The following LMBRD1 variants were observed in gnomAD, a reference collection of about 807,000 sequenced individuals.
LMBRD1 encodes lysosomal cobalamin transport escort protein LMBD1.
In LMBRD1, 64 loss-of-function variants were observed where a neutral mutation model predicts 74.8. The observed-to-expected ratio is 0.86, with a 90% confidence interval of 0.70 to 1.05. The LOEUF is 1.05. Ranked by LOEUF, LMBRD1 falls within the 50% of genes least tolerant of loss-of-function variation. The pLI, the probability that LMBRD1 is intolerant of heterozygous loss-of-function variation, is 0.00. For synonymous variants in LMBRD1, 204 were observed against 216.3 expected (o/e 0.94, Z 0.50); for missense variants, 652 against 645.9 (o/e 1.01, Z -0.10).
At chr6:69,760,254 A>G (rs143109603) in intron 3 of LMBRD1, among the ~76,000 whole-genome samples, 16 of 152,358 alleles carry the variant, frequency 1.1e-4, no homozygotes, top group African/African-American at 3.4e-4. Flanking sequence ...GCATAGTCAT[A>G]CACAATGAAA....
At chr6:69,686,999 C>T (rs977365178) in intron 14 of LMBRD1, among the ~76,000 whole-genome samples, 2 of 152,166 alleles carry the variant, frequency 1.3e-5, no homozygotes, top group Admixed American at 6.5e-5. Flanking sequence ...GTTTCCAAGC[C>T]TTGGTCTATA....
In LMBRD1 at chr6:69,761,336, T is replaced by C. The variant is rs570756903; in HGVS notation, c.308-8980A>G. On this transcript the variant is annotated intron_variant, in intron 3 of 15. Transcript: ENST00000649934. ...ATTTTTTTAACAAAAAAAAAATTGT[T>C]AAATAAAATGGTCAGACAAAAGGCT... Among the ~76,000 whole-genome samples, 3 of 152,318 alleles carry C rather than the reference T, an allele frequency of 2.0e-5. No homozygotes were observed. The East Asian group carries it at 5.8e-4, about 29-fold the overall frequency.
chr6:69,674,399 T>C lies in LMBRD1; in HGVS notation c.*1759A>G, dbSNP rs192843416. 6.6e-6 allele frequency among the ~76,000 whole-genome samples: 1 copy of C among 152,232 alleles called. No homozygotes were observed. Among genetic ancestry groups the C allele is most frequent in the Admixed American group, 6.5e-5 (1 of 15,294 alleles). ...AAGGGACAAATGGAAAGATAGGAAG[T>C]AGAAATTAACATGACATGATTGTTT... On this transcript the variant is annotated 3_prime_UTR_variant, in exon 16 of 16. Transcript: ENST00000649934.
intron 15 of LMBRD1, 39 bp downstream of exon 15, chr6:69,676,411 A>G (rs1469278497): frequency 6.3e-7 from 1 of 1,593,092 alleles, no homozygotes; most frequent in Non-Finnish European, 8.6e-7. Flanking sequence ...TATAATTTAT[A>G]AAGGAAGGTC....
At chr6:69,778,916 G>A (rs1414448621) in intron 3 of LMBRD1, among the ~76,000 whole-genome samples, 1 of 152,106 alleles carries the variant, frequency 6.6e-6, no homozygotes, top group African/African-American at 2.4e-5. Context: ...GGCAGGGCAC[G>A]GTGCCTCACG....
At chr6:69,750,389 T>A (rs935498570) in intron 4 of LMBRD1, among the ~76,000 whole-genome samples, 2 of 151,966 alleles carry the variant, frequency 1.3e-5, no homozygotes, top group African/African-American at 4.8e-5. Flanking sequence ...AAAAACCATG[T>A]TTTGCTTGGT....
rs1419961497 is a variant in LMBRD1, at chr6:69,701,920, A to G, written c.949T>C (p.Leu317=). Reference sequence around the variant, plus strand: ...AAGAAGAGAGAAATTACAAACAGCAATGCAACTAAGATGAAAAATATTCCC... The same window carrying G: ...AAGAAGAGAGAAATTACAAACAGCAGTGCAACTAAGATGAAAAATATTCCC... ...VWGIFFILVA[L]LFVISLFLSN... The change falls in exon 10 of 16, where the codon TTG becomes CTG. Residue 317 remains leucine (L), a synonymous_variant. Transcript: ENST00000649934. 6.2e-7 allele frequency: 1 copy of G among 1,601,894 alleles called. No individual in the cohort carries two copies.
At chr6:69,794,885 A>T (rs1766176876) in intron 1 of LMBRD1, among the ~76,000 whole-genome samples, 1 of 152,248 alleles carries the variant, frequency 6.6e-6, no homozygotes, top group Non-Finnish European at 1.5e-5. Context: ...AGCCTTTCAA[A>T]GTGCAAGATG....
Position 69,676,435 on chromosome 6 carries a change from G to T in LMBRD1, c.1509+15C>A. On this transcript the variant is annotated intron_variant, in intron 15 of 15. Transcript: ENST00000649934. ...TAAAGGAAGGTCAAATCACGCGTGGGATATCTGCACTTACCCCAAGAAAGG... is the reference window on the plus strand; with the variant it reads ...TAAAGGAAGGTCAAATCACGCGTGGTATATCTGCACTTACCCCAAGAAAGG... 6.2e-7 allele frequency: 1 copy of T among 1,606,908 alleles called. No homozygotes were observed. The highest frequency in any genetic ancestry group is 8.5e-7 in the Non-Finnish European group (1 of 1,173,786).
rs1164499549 is a variant in LMBRD1 at position 69,676,167 on chromosome 6, A to G, written c.1614T>C (p.Tyr538=). The G allele has an allele frequency of 1.9e-6, 3 of 1,611,356 alleles. No homozygotes were observed. The highest frequency in any genetic ancestry group is 1.7e-6 in the Non-Finnish European group (2 of 1,177,784). The stretch of plus-strand genomic sequence containing the variant: ...TTAAGACAGAAGGCTGTCAAGCAGA[A>G]TAGACAGAGGGCTCATCATCACTTA... ...SDISDDEPSV[Y]SA Residue 538 remains tyrosine, a synonymous_variant, in exon 16 of 16, where the codon TAT becomes TAC. Coordinates refer to ENST00000649934, the MANE Select transcript of LMBRD1 (RefSeq NM_018368.4).
At chr6:69,773,560 C>G (rs1343909086) in intron 3 of LMBRD1, among the ~76,000 whole-genome samples, 1 of 152,138 alleles carries the variant, frequency 6.6e-6, no homozygotes, top group East Asian at 1.9e-4. Flanking sequence ...TGAAAAGCTT[C>G]CCGGTCCATC....
chr6:69,676,585 T>A, intron 14 of LMBRD1, 44 bp from the exon 15 acceptor site: 1 of 1,393,898 alleles, frequency 7.2e-7, no homozygotes, highest in Non-Finnish European at 1.0e-6. Context: ...GGTTCTTTCA[T>A]AAAATTGATG....
At chr6:69,749,278 A>ATT (rs544323762) in intron 5 of LMBRD1, 63 bp downstream of exon 5, 78 of 1,154,830 alleles carry the variant, frequency 6.8e-5, no homozygotes, top group Non-Finnish European at 8.4e-5. Context: ...TGATCCTTTT[A>ATT]TTTTTTTTTT....
At chr6:69,715,719 T>G (rs4707324) in intron 8 of LMBRD1, among the ~76,000 whole-genome samples, 12,071 of 152,026 alleles carry the variant, frequency 0.079, 633 homozygotes, top group Admixed American at 0.15. Flanking sequence ...CATATACAAA[T>G]GTATTTACGA....
intron 7 of LMBRD1, among the ~76,000 whole-genome samples, chr6:69,732,239 T>C (rs1476621001): frequency 2.6e-5 from 4 of 152,108 alleles, no homozygotes; most frequent in African/African-American, 9.7e-5. Context: ...AGTGTGATAT[T>C]TGTAGGTGGA....
chr6:69,700,189 A>G (rs906292995), intron 12 of LMBRD1, among the ~76,000 whole-genome samples: 2 of 151,846 alleles, frequency 1.3e-5, no homozygotes, highest in African/African-American at 4.8e-5. Flanking sequence ...TCAAGCCACT[A>G]TTTAACTGAG....
At chr6:69,751,339 T>C (rs561578415) in intron 4 of LMBRD1, among the ~76,000 whole-genome samples, 4 of 152,316 alleles carry the variant, frequency 2.6e-5, no homozygotes, top group Admixed American at 2.6e-4. Context: ...TTTTTTTTTT[T>C]TTCTGAGATG....
chr6:69,770,932 T>C (rs1403816457), intron 3 of LMBRD1, among the ~76,000 whole-genome samples: 2 of 152,070 alleles, frequency 1.3e-5, no homozygotes, highest in Admixed American at 6.6e-5. Flanking sequence ...ATTAGTCAAG[T>C]AAATAACTGG....
chr6:69,752,081 C>A (rs1315273437), intron 4 of LMBRD1, among the ~76,000 whole-genome samples, 178 bp downstream of exon 4: 2 of 152,158 alleles, frequency 1.3e-5, no homozygotes, highest in African/African-American at 4.8e-5. Context: ...ATATATTATG[C>A]TAAATACAAT....
Sources: allele counts gnomAD v4.1 joint callset (sites outside exome capture counted in the v4.1 genomes callset), GRCh38; gene constraint gnomAD v4.1.1; transcripts MANE v1.5; gene names NCBI Gene and HGNC (gene_info 2026-07-23, HGNC 2026-07-21).